Variants in LGSN observed in about 807,000 individuals in gnomAD.
LGSN encodes lengsin.
In LGSN, 21 loss-of-function variants were observed where a neutral mutation model predicts 19.5. The ratio of observed to expected loss-of-function variants is 1.07; its 90% CI spans 0.76 to 1.55. LGSN has a LOEUF of 1.55. Among genes scored for constraint, LGSN ranks in the 40% most tolerant of loss-of-function variants. The probability of loss-of-function intolerance (pLI) is 0.00; values close to 1 mark genes in which losing one functional copy is unlikely to be tolerated. For missense variants in LGSN, 673 were observed against 608.5 expected (o/e 1.11, Z -1.12); for synonymous variants, 257 against 215.6 (o/e 1.19, Z -1.68).
chr6:63,435,475 A>G, the LGSN span, among the ~76,000 whole-genome samples: 36 of 152,352 alleles, frequency 2.4e-4, no homozygotes, highest in African/African-American at 8.2e-4. Flanking sequence ...AGTTATAGAA[A>G]GAACTGAATG....
the LGSN span, among the ~76,000 whole-genome samples, chr6:63,394,475 G>T: frequency 6.6e-6 from 1 of 152,132 alleles, no homozygotes; most frequent in Non-Finnish European, 1.5e-5. Context: ...ACTCTGTATG[G>T]TTTAAAAGGG....
At chr6:63,453,533 C>A in the LGSN span, among the ~76,000 whole-genome samples, 6 of 151,912 alleles carry the variant, frequency 3.9e-5, no homozygotes. Flanking sequence ...TTCTTCATTA[C>A]CCCTGGTAAT....
chr6:63,446,662 T>C, the LGSN span, among the ~76,000 whole-genome samples: 3 of 152,256 alleles, frequency 2.0e-5, no homozygotes, highest in Non-Finnish European at 4.4e-5. Context: ...GAAAGATTTC[T>C]AACATGACCT....
intron 1 of LGSN, among the ~76,000 whole-genome samples, chr6:63,296,070 C>T (rs1366792822): frequency 1.3e-5 from 2 of 152,124 alleles, no homozygotes; most frequent in Admixed American, 6.6e-5. Flanking sequence ...AGCTGTATCA[C>T]TTCATCTATA....
At chr6:63,475,361 C>A in the LGSN span, among the ~76,000 whole-genome samples, 42 of 151,322 alleles carry the variant, frequency 2.8e-4, no homozygotes, top group Non-Finnish European at 1.3e-4. Context: ...CTATTACCAC[C>A]CATAGAGACC....
the LGSN span, among the ~76,000 whole-genome samples, chr6:63,553,479 T>C: frequency 1.3e-5 from 2 of 152,190 alleles, no homozygotes; most frequent in Non-Finnish European, 2.9e-5. Flanking sequence ...AATAAGTTCT[T>C]CTTGGCCAAG....
chr6:63,396,857 AT>A, the LGSN span: 1 of 152,810 alleles, frequency 6.5e-6, no homozygotes, highest in Non-Finnish European at 1.5e-5. Flanking sequence ...AATACCAAGC[AT>A]GTGTATGGGG....
chr6:63,446,407 T>C, the LGSN span, among the ~76,000 whole-genome samples: 1 of 152,126 alleles, frequency 6.6e-6, no homozygotes, highest in South Asian at 2.1e-4. Context: ...TATCTCCCTC[T>C]ACCCTGTCAT....
chr6:63,461,809 G>A, the LGSN span, among the ~76,000 whole-genome samples: 2 of 152,226 alleles, frequency 1.3e-5, no homozygotes, highest in African/African-American at 4.8e-5. Flanking sequence ...ATATTATACT[G>A]CATCAATGTC....
chr6:63,312,898 C>T (rs980873620), intron 1 of LGSN, among the ~76,000 whole-genome samples: 1 of 152,060 alleles, frequency 6.6e-6, no homozygotes, highest in African/African-American at 2.4e-5. Flanking sequence ...ACTAGGAAAC[C>T]CAAAAAGCAA....
the LGSN span, among the ~76,000 whole-genome samples, chr6:63,334,747 G>C: frequency 1.1e-4 from 16 of 152,104 alleles, no homozygotes; most frequent in Admixed American, 3.3e-4. Context: ...GCATGGTTCT[G>C]GTATAAAAAT....
At chr6:63,349,590 A>G in the LGSN span, among the ~76,000 whole-genome samples, 75 of 152,304 alleles carry the variant, frequency 4.9e-4, 1 homozygote, top group African/African-American at 1.8e-3. Context: ...TCAAACTATG[A>G]TTGCAATTCG....
chr6:63,339,588 G>A, the LGSN span, among the ~76,000 whole-genome samples: 1 of 152,086 alleles, frequency 6.6e-6, no homozygotes, highest in Non-Finnish European at 1.5e-5. Context: ...TGAGTTTCTT[G>A]TAGGTATCAT....
the LGSN span, among the ~76,000 whole-genome samples, chr6:63,499,046 A>C: frequency 6.6e-6 from 1 of 152,136 alleles, no homozygotes; most frequent in Non-Finnish European, 1.5e-5. Context: ...GAATTTAGAA[A>C]AATGTATAAA....
At chr6:63,415,959 C>T in the LGSN span, among the ~76,000 whole-genome samples, 1 of 152,012 alleles carries the variant, frequency 6.6e-6, no homozygotes, top group African/African-American at 2.4e-5. Flanking sequence ...ATTCATTGAT[C>T]TAATAGATTA....
chr6:63,482,563 T>C, the LGSN span, among the ~76,000 whole-genome samples: 1 of 152,134 alleles, frequency 6.6e-6, no homozygotes, highest in Non-Finnish European at 1.5e-5. Context: ...ACTCCATCTC[T>C]ACTAAAAATA....
chr6:63,414,673 C>T, the LGSN span, among the ~76,000 whole-genome samples: 1 of 152,128 alleles, frequency 6.6e-6, no homozygotes, highest in Non-Finnish European at 1.5e-5. Flanking sequence ...GCCTGTAATC[C>T]CAACACTTTC....
the LGSN span, among the ~76,000 whole-genome samples, chr6:63,555,461 G>A: frequency 6.6e-6 from 1 of 152,180 alleles, no homozygotes; most frequent in East Asian, 1.9e-4. Flanking sequence ...TTATCCATTT[G>A]TATAAATGGC....
At chr6:63,446,160 G>A in the LGSN span, among the ~76,000 whole-genome samples, 1 of 141,030 alleles carries the variant, frequency 7.1e-6, no homozygotes, top group Non-Finnish European at 1.5e-5. Flanking sequence ...TGAGGCAGGA[G>A]AATCATTTGA....
Sources: allele counts gnomAD v4.1 joint callset (sites outside exome capture counted in the v4.1 genomes callset), GRCh38; gene constraint gnomAD v4.1.1; transcripts MANE v1.5; gene names NCBI Gene and HGNC (gene_info 2026-07-23, HGNC 2026-07-21).